DPYD: variants seen among roughly 807,000 people sequenced by gnomAD.
DPYD encodes the protein dihydropyrimidine dehydrogenase.
Under a neutral mutation model 116.2 loss-of-function variants are expected in DPYD, and 109 were observed. That is an observed-to-expected ratio of 0.94 (90% confidence interval 0.80 to 1.10). DPYD has a LOEUF of 1.10. Ranked by LOEUF, DPYD falls within the 50% of genes least tolerant of loss-of-function variation. DPYD has a pLI of 0.00. For synonymous variants in DPYD, 440 were observed against 432.0 expected (o/e 1.02, Z -0.23); for missense variants, 1,302 against 1,254.5 (o/e 1.04, Z -0.57).
chr1:97,258,441 A>G (rs970099587), intron 18 of DPYD, among the ~76,000 whole-genome samples: 10 of 152,140 alleles, frequency 6.6e-5, no homozygotes, highest in Admixed American at 2.6e-4. Flanking sequence ...GGACAATTCT[A>G]TAAGGCTTCT....
intron 3 of DPYD, among the ~76,000 whole-genome samples, chr1:97,817,095 GAACACAGCCACATC>G (rs779252942): frequency 4.6e-5 from 7 of 151,994 alleles, no homozygotes; most frequent in Non-Finnish European, 8.8e-5. Flanking sequence ...AATTTTATTG[GAACACAGCCACATC>G]AACACAGCCA....
intron 14 of DPYD, among the ~76,000 whole-genome samples, chr1:97,447,842 GA>G (rs994988045): frequency 2.6e-5 from 4 of 151,350 alleles, no homozygotes; most frequent in Non-Finnish European, 5.9e-5. Context: ...TATTTTCCAG[GA>G]AAATTTTTTT....
At chr1:97,385,538 A>AG (rs1672293732) in intron 14 of DPYD, among the ~76,000 whole-genome samples, 1 of 147,968 alleles carries the variant, frequency 6.8e-6, no homozygotes. Context: ...AAAAAAAAAA[A>AG]CAAAATAAAA....
chr1:97,446,960 C>T (rs1048457971), intron 14 of DPYD, among the ~76,000 whole-genome samples: 1 of 151,914 alleles, frequency 6.6e-6, no homozygotes, highest in African/African-American at 2.4e-5. Context: ...TAAAAGGAAA[C>T]CTTGAAAGCC....
chr1:97,890,710 A>T (rs998292416), intron 1 of DPYD, among the ~76,000 whole-genome samples: 1 of 152,014 alleles, frequency 6.6e-6, no homozygotes, highest in Admixed American at 6.6e-5. Context: ...ACATTTTTTT[A>T]AAGTAGTTAT....
intron 20 of DPYD, among the ~76,000 whole-genome samples, chr1:97,187,408 T>C (rs1056097224): frequency 2.0e-5 from 3 of 152,194 alleles, no homozygotes; most frequent in African/African-American, 7.2e-5. Flanking sequence ...CTTTGCGTAC[T>C]TTTTAATAGG....
chr1:97,672,731 A>G (rs1659935841), intron 8 of DPYD, among the ~76,000 whole-genome samples: 1 of 152,166 alleles, frequency 6.6e-6, no homozygotes, highest in African/African-American at 2.4e-5. Flanking sequence ...ATTCCTGATT[A>G]AGAAGCCAAT....
intron 8 of DPYD, among the ~76,000 whole-genome samples, chr1:97,645,988 T>G (rs1658237217): frequency 6.6e-6 from 1 of 152,046 alleles, no homozygotes; most frequent in Non-Finnish European, 1.5e-5. Flanking sequence ...CTGTGAGGAG[T>G]GTAAAGCCAG....
chr1:97,609,970 T>A (rs373699624), intron 8 of DPYD, among the ~76,000 whole-genome samples: 4 of 151,910 alleles, frequency 2.6e-5, no homozygotes, highest in African/African-American at 4.8e-5. Flanking sequence ...ACTCATTTGT[T>A]TAAAGCACAG....
intron 7 of DPYD, among the ~76,000 whole-genome samples, chr1:97,689,177 T>TA (rs544034638): frequency 8.4e-4 from 127 of 151,822 alleles, no homozygotes; most frequent in Middle Eastern, 3.4e-3. Flanking sequence ...TATTTGACTT[T>TA]AAAAAATTAA....
intron 13 of DPYD, among the ~76,000 whole-genome samples, chr1:97,492,800 G>C (rs895580989): frequency 2.0e-5 from 3 of 150,870 alleles, no homozygotes; most frequent in Non-Finnish European, 4.4e-5. Context: ...CAGGCTTTTG[G>C]GTATCAAATT....
intron 3 of DPYD, among the ~76,000 whole-genome samples, chr1:97,806,239 T>G: frequency 6.6e-6 from 1 of 151,948 alleles, no homozygotes; most frequent in East Asian, 1.9e-4. Flanking sequence ...TTTCTTGCCA[T>G]AATGGAAGAA....
intron 13 of DPYD, among the ~76,000 whole-genome samples, chr1:97,459,261 G>T (rs138566740): frequency 2.0e-5 from 3 of 152,070 alleles, no homozygotes; most frequent in African/African-American, 7.2e-5. Flanking sequence ...CAAATGTGAT[G>T]CAAAACATGA....
At chr1:97,673,589 C>T (rs909490777) in intron 8 of DPYD, among the ~76,000 whole-genome samples, 1 of 152,122 alleles carries the variant, frequency 6.6e-6, no homozygotes, top group East Asian at 1.9e-4. Flanking sequence ...ACAGAATCTA[C>T]AGTCTTTAAG....
chr1:97,832,304 G>A (rs958227318), intron 2 of DPYD, among the ~76,000 whole-genome samples: 2 of 152,086 alleles, frequency 1.3e-5, no homozygotes, highest in African/African-American at 4.8e-5. Flanking sequence ...TAGCCTCAGA[G>A]CCAGACTCAA....
chr1:97,736,541 A>G (rs559586726), intron 4 of DPYD, among the ~76,000 whole-genome samples: 1 of 152,288 alleles, frequency 6.6e-6, no homozygotes, highest in South Asian at 2.1e-4. Context: ...AGCAATTATA[A>G]TACTCTCATC....
At chr1:97,390,480 T>A (rs12039093) in intron 14 of DPYD, among the ~76,000 whole-genome samples, 17,981 of 152,066 alleles carry the variant, frequency 0.12, 1,396 homozygotes, top group South Asian at 0.28. Flanking sequence ...TTAGTTCAAA[T>A]TTAGTGAAAG....
At chr1:97,406,453 G>T (rs1570682026) in intron 14 of DPYD, among the ~76,000 whole-genome samples, 1 of 151,292 alleles carries the variant, frequency 6.6e-6, no homozygotes, top group East Asian at 2.0e-4. Context: ...TGCAGAATGT[G>T]CAGGTTTGTT....
Position 97,721,799 on chromosome 1 carries a change from G to A in DPYD, c.322-128C>T, listed in dbSNP as rs1662941731. ...ATAATGATGTGTATAAGATGCATAG[G>A]TTTCAATACTACTATCAGGAACCAT... On this transcript the variant is annotated intron_variant, in intron 4 of 22. Coordinates refer to ENST00000370192, the MANE Select transcript of DPYD (RefSeq NM_000110.4). 5.7e-5 allele frequency: 48 copies of A among 841,122 alleles called. 1 individual carries two copies. The South Asian group carries it at 7.2e-4, about 13-fold the overall frequency. The allele number at this position is 841,122 out of a possible 1,614,324, so 52.1% of individuals were successfully genotyped here. A position where few individuals can be genotyped will look rare whatever the true frequency, so the allele number is the denominator to read the frequency against.
Sources: allele counts gnomAD v4.1 joint callset (sites outside exome capture counted in the v4.1 genomes callset), GRCh38; gene constraint gnomAD v4.1.1; transcripts MANE v1.5; gene names NCBI Gene and HGNC (gene_info 2026-07-23, HGNC 2026-07-21).